Variants in MCMBP observed in about 807,000 individuals in gnomAD.
MCMBP encodes minichromosome maintenance complex binding protein, also known as mini-chromosome maintenance complex-binding protein.
In MCMBP, 31 loss-of-function variants were observed where a neutral mutation model predicts 81.3. The ratio of observed to expected loss-of-function variants is 0.38; its 90% CI spans 0.29 to 0.51. The LOEUF is 0.51. MCMBP is among the 20% of genes least tolerant of loss of function. The pLI is 0.87. For synonymous variants in MCMBP, 267 were observed against 275.9 expected (o/e 0.97, Z 0.32); for missense variants, 645 against 772.1 (o/e 0.84, Z 1.95).
intron 14 of MCMBP, among the ~76,000 whole-genome samples, chr10:119,834,976 A>T (rs780705067): frequency 7.9e-5 from 12 of 151,898 alleles, no homozygotes; most frequent in Admixed American, 3.3e-4. Context: ...ACATGAACCC[A>T]CATGAGGAAA....
intron 5 of MCMBP, 79 bp from the exon 6 acceptor site, chr10:119,853,273 A>C: frequency 7.0e-7 from 1 of 1,433,298 alleles, no homozygotes; most frequent in Non-Finnish European, 9.5e-7. Context: ...ACTTATAAAA[A>C]ATTACTAGTT....
chr10:119,834,852 AC>A (rs2134337133), intron 14 of MCMBP, among the ~76,000 whole-genome samples: 1 of 93,790 alleles, frequency 1.1e-5, no homozygotes, highest in East Asian at 3.7e-4. Flanking sequence ...ACACAGCGAG[AC>A]CCTGTCTCAA....
rs778997516 is a variant in MCMBP at position 119,847,694 on chromosome 10, C to T, written c.746G>A (p.Cys249Tyr). The change falls in exon 8 of 16, where the codon TGT becomes TAT. Residue 249 changes from cysteine (C) to tyrosine (Y), a missense_variant. Transcript: ENST00000369077. ...CTCAAGAATGTCATTTACTTTGAAA[C>T]AATCCCAATCTTCATAAACCTAACA... Reference protein sequence around the residue: ...CLVKVYEDWDCFKVNDILELY... With the variant: ...CLVKVYEDWDYFKVNDILELY... 1.2e-6 allele frequency: 2 copies of T among 1,607,930 alleles called. No homozygotes were observed. Among genetic ancestry groups the T allele is most frequent in the African/African-American group, 2.7e-5 (2 of 74,818 alleles).
At chr10:119,855,731 G>C (rs945302123) in intron 5 of MCMBP, among the ~76,000 whole-genome samples, 5 of 151,744 alleles carry the variant, frequency 3.3e-5, no homozygotes, top group South Asian at 2.1e-4. Flanking sequence ...ACAAAATAAA[G>C]CAGAAATGGA....
chr10:119,850,167 G>A (rs975116441), intron 6 of MCMBP, among the ~76,000 whole-genome samples: 4 of 152,100 alleles, frequency 2.6e-5, no homozygotes, highest in African/African-American at 9.7e-5. Context: ...GCAATAAAAC[G>A]GACAAACTAC....
intron 13 of MCMBP, 94 bp downstream of exon 13, chr10:119,836,802 A>C: frequency 2.0e-6 from 1 of 509,032 alleles, no homozygotes; most frequent in Non-Finnish European, 3.2e-6. Flanking sequence ...TTTACAACAA[A>C]TGTAACTTAT....
chr10:119,857,892 G>A (rs1490997867), intron 4 of MCMBP: 1 of 152,272 alleles, frequency 6.6e-6, no homozygotes, highest in Non-Finnish European at 1.5e-5. Context: ...CAGAAAAATT[G>A]CCCTAATTTG....
At chr10:119,873,045 C>G (rs1853768957), upstream of MCMBP, among the ~76,000 whole-genome samples, 1 of 151,940 alleles carries the variant, frequency 6.6e-6, no homozygotes, top group Non-Finnish European at 1.5e-5. Context: ...CGGCGACGCG[C>G]TCCAAGGGCG....
intron 8 of MCMBP, among the ~76,000 whole-genome samples, chr10:119,844,338 TAG>T (rs1158779399): frequency 6.6e-6 from 1 of 152,240 alleles, no homozygotes; most frequent in African/African-American, 2.4e-5. Context: ...ATAGAATCTA[TAG>T]ACACTGAAGT....
chr10:119,869,675 G>A (rs1447483477), intron 1 of MCMBP, among the ~76,000 whole-genome samples: 2 of 151,358 alleles, frequency 1.3e-5, no homozygotes, highest in Non-Finnish European at 2.9e-5. Context: ...AGGTTGCAGT[G>A]AGCCGAGATC....
chr10:119,837,417 C>G (rs1852284813), intron 12 of MCMBP, among the ~76,000 whole-genome samples: 1 of 152,038 alleles, frequency 6.6e-6, no homozygotes, highest in Non-Finnish European at 1.5e-5. Context: ...TTAAACATGC[C>G]CAGTCTACCT....
intron 8 of MCMBP, among the ~76,000 whole-genome samples, chr10:119,846,926 T>G (rs905265660): frequency 4.6e-5 from 7 of 151,210 alleles, no homozygotes; most frequent in Non-Finnish European, 7.4e-5. Context: ...AAAAAAAAAG[T>G]GGCAAGACCA....
chr10:119,830,020 C>T lies in MCMBP; in HGVS notation c.*1454G>A, dbSNP rs913481607. 2 of 152,570 alleles carry T rather than the reference C, an allele frequency of 1.3e-5. No individual in the cohort carries two copies. The highest frequency in any genetic ancestry group is 1.3e-4 in the Admixed American group (2 of 15,272). The allele number at this position is 152,570 out of a possible 1,614,324, so 9.5% of individuals were successfully genotyped here. A position where few individuals can be genotyped will look rare whatever the true frequency, so the allele number is the denominator to read the frequency against. On this transcript the variant is annotated 3_prime_UTR_variant, in exon 16 of 16. Coordinates refer to ENST00000369077, the MANE Select transcript of MCMBP (RefSeq NM_001256378.2). ...TCTAAAAGTTTAAGGAAGGTCTAGT[C>T]TACCAGTTATAAAAATGAAAACCAG...
At chr10:119,850,966 G>A (rs1461017361) in intron 6 of MCMBP, among the ~76,000 whole-genome samples, 2 of 146,180 alleles carry the variant, frequency 1.4e-5, no homozygotes, top group Non-Finnish European at 3.0e-5. Context: ...TTCGCCTCCC[G>A]GGTTCAAGCA....
chr10:119,848,673 T>C (rs140607706), intron 7 of MCMBP, among the ~76,000 whole-genome samples: 1 of 152,208 alleles, frequency 6.6e-6, no homozygotes, highest in African/African-American at 2.4e-5. Flanking sequence ...AGAATAAGGA[T>C]AGAAATCCTT....
intron 1 of MCMBP, among the ~76,000 whole-genome samples, chr10:119,866,193 CAT>C (rs1176478056): frequency 1.3e-5 from 2 of 151,904 alleles, no homozygotes; most frequent in African/African-American, 2.4e-5. Context: ...TCAAAGGCCA[CAT>C]GTTGTATAAT....
At position 119,842,597 on chromosome 10, in the gene MCMBP, TGAA is replaced by T; in HGVS notation, c.1001-5_1001-3del. On this transcript the variant is annotated splice_region_variant and splice_polypyrimidine_tract_variant and intron_variant, in intron 9 of 15. Coordinates refer to ENST00000369077, the MANE Select transcript of MCMBP (RefSeq NM_001256378.2). ...ATTCGGACATGAAACTTGAAACAACTGAAGGAGAAAGGAAGACCTGAGTCAGGA... is the reference window on the plus strand; with the variant it reads ...ATTCGGACATGAAACTTGAAACAACTGGAGAAAGGAAGACCTGAGTCAGGA... 1 of 1,612,252 alleles carries T rather than the reference TGAA, an allele frequency of 6.2e-7. No homozygotes were observed. Among genetic ancestry groups the T allele is most frequent in the Non-Finnish European group, 8.5e-7 (1 of 1,179,198 alleles).
chr10:119,840,445 A>C (rs182539731), intron 11 of MCMBP, among the ~76,000 whole-genome samples: 17 of 152,356 alleles, frequency 1.1e-4, no homozygotes, highest in African/African-American at 3.8e-4. Flanking sequence ...TCAACTTTCC[A>C]AACAGGAATT....
intron 14 of MCMBP, among the ~76,000 whole-genome samples, chr10:119,832,703 C>T (rs770369256): frequency 6.6e-5 from 10 of 152,108 alleles, no homozygotes; most frequent in Non-Finnish European, 1.5e-4. Flanking sequence ...CCTGGAAGGA[C>T]CCATTTGCAA....
Sources: allele counts gnomAD v4.1 joint callset (sites outside exome capture counted in the v4.1 genomes callset), GRCh38; gene constraint gnomAD v4.1.1; transcripts MANE v1.5; gene names NCBI Gene and HGNC (gene_info 2026-07-23, HGNC 2026-07-21).